Variants in SHISA9 observed in about 807,000 individuals in gnomAD.
SHISA9 encodes shisa family member 9.
A neutral mutation model predicts 38.0 loss-of-function variants in SHISA9; 13 were observed. The ratio of observed to expected loss-of-function variants is 0.34; its 90% CI spans 0.22 to 0.54. The LOEUF is 0.54. Ranked by LOEUF, SHISA9 falls within the 20% of genes least tolerant of loss-of-function variation. The pLI is 0.91. For synonymous variants in SHISA9, 275 were observed against 242.0 expected (o/e 1.14, Z -1.27); for missense variants, 538 against 575.8 (o/e 0.93, Z 0.67).
intron 2 of SHISA9, among the ~76,000 whole-genome samples, chr16:13,061,794 C>T (rs2073378781): frequency 6.6e-6 from 1 of 152,056 alleles, no homozygotes; most frequent in East Asian, 1.9e-4. Flanking sequence ...ATGAAAGAAA[C>T]GGGATACGAA....
chr16:13,009,498 T>C (rs369992995), intron 2 of SHISA9, among the ~76,000 whole-genome samples: 48 of 152,262 alleles, frequency 3.2e-4, no homozygotes, highest in African/African-American at 1.1e-3. Flanking sequence ...CTGCCCTTCC[T>C]CATTTATTTT....
the SHISA9 span, among the ~76,000 whole-genome samples, chr16:13,478,244 T>C: frequency 6.6e-6 from 1 of 152,198 alleles, no homozygotes; most frequent in African/African-American, 2.4e-5. Flanking sequence ...TCCTCCTGTT[T>C]CTTATGCTTT....
At chr16:13,402,187 G>A in the SHISA9 span, among the ~76,000 whole-genome samples, 2 of 152,200 alleles carry the variant, frequency 1.3e-5, no homozygotes, top group African/African-American at 4.8e-5. Context: ...TGATTATGGA[G>A]TTTGAGAAGT....
At chr16:13,545,496 C>G in the SHISA9 span, among the ~76,000 whole-genome samples, 1 of 152,178 alleles carries the variant, frequency 6.6e-6, no homozygotes, top group Non-Finnish European at 1.5e-5. Context: ...CCCCTGGCAA[C>G]AGACACAGGC....
the SHISA9 span, among the ~76,000 whole-genome samples, chr16:13,285,488 T>A: frequency 6.5e-4 from 81 of 123,820 alleles, 1 homozygote; most frequent in Middle Eastern, 0.013. Flanking sequence ...TTTTTTTTTT[T>A]ATAAAAGGAG....
the SHISA9 span, among the ~76,000 whole-genome samples, chr16:13,316,315 T>C: frequency 1.3e-5 from 2 of 152,102 alleles, no homozygotes; most frequent in Non-Finnish European, 2.9e-5. Flanking sequence ...AACTGGAGTT[T>C]CATTATTTCC....
intron 2 of SHISA9, among the ~76,000 whole-genome samples, chr16:13,157,099 C>T (rs2050553904): frequency 6.6e-6 from 1 of 152,140 alleles, no homozygotes; most frequent in Non-Finnish European, 1.5e-5. Context: ...CTTTCCATCT[C>T]CCCTGCTGTC....
At chr16:12,913,343 C>A (rs945645968) in intron 1 of SHISA9, among the ~76,000 whole-genome samples, 1 of 151,984 alleles carries the variant, frequency 6.6e-6, no homozygotes, top group Admixed American at 6.6e-5. Context: ...ATTACAGGTG[C>A]CCACCACCAC....
chr16:13,403,085 C>T, the SHISA9 span, among the ~76,000 whole-genome samples: 1 of 146,500 alleles, frequency 6.8e-6, no homozygotes. Flanking sequence ...GCCTGGGGGA[C>T]AGAGTGAGAC....
At chr16:13,173,153 GCACA>G (rs10589865) in intron 2 of SHISA9, among the ~76,000 whole-genome samples, 17,226 of 150,644 alleles carry the variant, frequency 0.11, 1,014 homozygotes, top group Middle Eastern at 0.2. Flanking sequence ...ATGCACGTGC[GCACA>G]CACACACACA....
intron 4 of SHISA9, among the ~76,000 whole-genome samples, chr16:13,231,030 T>G (rs959759448): frequency 2.6e-5 from 4 of 152,134 alleles, no homozygotes. Context: ...CAGGCTTCTG[T>G]CTCATCCTGT....
chr16:13,255,431 C>T, the SHISA9 span, among the ~76,000 whole-genome samples: 1 of 152,180 alleles, frequency 6.6e-6, no homozygotes, highest in Non-Finnish European at 1.5e-5. Flanking sequence ...GTGTCTTTCT[C>T]TTTCATATAC....
intron 1 of SHISA9, chr16:12,908,342 T>G (rs1596522378): frequency 7.3e-7 from 1 of 1,371,464 alleles, no homozygotes. Flanking sequence ...GGAGGGAGGG[T>G]CTATATGTGA....
the SHISA9 span, among the ~76,000 whole-genome samples, chr16:13,298,777 A>G: frequency 6.6e-6 from 1 of 152,146 alleles, no homozygotes; most frequent in Non-Finnish European, 1.5e-5. Context: ...ACTAGGCCCT[A>G]AGGAAGGAGG....
At chr16:13,090,357 C>T (rs756231714) in intron 2 of SHISA9, among the ~76,000 whole-genome samples, 13 of 152,056 alleles carry the variant, frequency 8.5e-5, no homozygotes, top group African/African-American at 2.7e-4. Context: ...TGGATATCCT[C>T]GTTAACCTTC....
intron 2 of SHISA9, among the ~76,000 whole-genome samples, chr16:12,962,633 G>A (rs1057218201): frequency 1.3e-5 from 2 of 152,158 alleles, no homozygotes; most frequent in Non-Finnish European, 2.9e-5. Context: ...AACAGGAGGG[G>A]AGCCCTCACC....
At position 12,936,099 on chromosome 16, in the gene SHISA9, G is replaced by A. The variant is rs969511811; in HGVS notation, c.691+19284G>A. 2.0e-5 allele frequency among the ~76,000 whole-genome samples: 3 copies of A among 152,254 alleles called. No individual in the cohort carries two copies. In the East Asian group the frequency reaches 5.8e-4, roughly 29 times the overall value. On this transcript the variant is annotated intron_variant, in intron 2 of 4. Coordinates refer to ENST00000558583, the MANE Select transcript of SHISA9 (RefSeq NM_001145204.3). ...GAACGGAGTCTCTGGGAGTTCTTGA[G>A]TAGATGCATCGTCTGATGTCCCTTC...
chr16:13,448,789 T>C, the SHISA9 span, among the ~76,000 whole-genome samples: 1 of 152,238 alleles, frequency 6.6e-6, no homozygotes, highest in Non-Finnish European at 1.5e-5. Flanking sequence ...CTGGATAGTC[T>C]CAAATGTCAA....
At chr16:13,354,626 C>T in the SHISA9 span, among the ~76,000 whole-genome samples, 1 of 144,524 alleles carries the variant, frequency 6.9e-6, no homozygotes, top group Non-Finnish European at 1.6e-5. Flanking sequence ...TTGAGGGCCT[C>T]TAAAAGTATT....
Sources: gnomAD v4.1 joint callset for allele counts (sites outside exome capture counted in the v4.1 genomes callset) on GRCh38, gnomAD v4.1.1 for gene constraint, MANE v1.5 for transcripts, NCBI Gene and HGNC (gene_info 2026-07-23, HGNC 2026-07-21) for gene names.